Variants in SEMA5B observed in about 807,000 individuals in gnomAD.
SEMA5B encodes the protein semaphorin 5B, also known as semaphorin-5B.
A neutral mutation model predicts 135.0 loss-of-function variants in SEMA5B; 66 were observed. That is an observed-to-expected ratio of 0.49 (90% CI 0.40 to 0.60). The LOEUF is 0.60. SEMA5B is among the 20% of genes least tolerant of loss of function. The pLI, the probability that SEMA5B is intolerant of heterozygous loss-of-function variation, is 0.00. For synonymous variants in SEMA5B, 690 were observed against 639.5 expected (o/e 1.08, Z -1.19); for missense variants, 1,501 against 1,566.3 (o/e 0.96, Z 0.70).
intron 1 of SEMA5B, among the ~76,000 whole-genome samples, chr3:123,016,975 T>C (rs1942576001): frequency 6.9e-6 from 1 of 144,640 alleles, no homozygotes; most frequent in African/African-American, 2.6e-5. Flanking sequence ...CACTGCAAGC[T>C]CCACCTCCCA....
intron 3 of SEMA5B, among the ~76,000 whole-genome samples, chr3:122,943,787 A>T (rs193237337): frequency 6.6e-6 from 1 of 152,216 alleles, no homozygotes; most frequent in East Asian, 1.9e-4. Flanking sequence ...AGGGATACTT[A>T]TACTCGCCCT....
chr3:122,945,961 T>C (rs1486266541), intron 3 of SEMA5B, among the ~76,000 whole-genome samples: 1 of 151,534 alleles, frequency 6.6e-6, no homozygotes, highest in East Asian at 1.9e-4. Flanking sequence ...ACGGGGATCC[T>C]AGGGGGGCCT....
At chr3:122,949,081 T>A (rs1239999436) in intron 2 of SEMA5B, among the ~76,000 whole-genome samples, 1 of 152,200 alleles carries the variant, frequency 6.6e-6, no homozygotes, top group Non-Finnish European at 1.5e-5. Flanking sequence ...CTTTATATAC[T>A]AGGAAAAAAT....
In SEMA5B at chr3:122,922,005, ATGCGCAGGC is replaced by A. The variant is rs772913324; in HGVS notation, c.1589_1597del (p.Ser530_Arg532del). 3 of 1,529,528 alleles carry A rather than the reference ATGCGCAGGC, an allele frequency of 2.0e-6. No individual in the cohort carries two copies. The highest frequency in any genetic ancestry group is 2.1e-5 in the Admixed American group (1 of 48,488). The allele number at this position is 1,529,528 out of a possible 1,614,324, so 94.7% of individuals were successfully genotyped here. Reference sequence around the variant, plus strand: ...GAAGAGCGCGCGGGCGCTGTGCAGGATGCGCAGGCTGCGCAGGGGCTCGCGGCGCCCGGG... The same window carrying A: ...GAAGAGCGCGCGGGCGCTGTGCAGGATGCGCAGGGGCTCGCGGCGCCCGGG... On this transcript the variant is annotated inframe_deletion, in exon 12 of 23. Transcript: ENST00000357599.
At chr3:122,927,397 T>C (rs1449087825) in intron 8 of SEMA5B, among the ~76,000 whole-genome samples, 1 of 152,206 alleles carries the variant, frequency 6.6e-6, no homozygotes, top group Non-Finnish European at 1.5e-5. Flanking sequence ...CTTGCTATGT[T>C]GCCCACGCTG....
chr3:122,915,377 G>A (rs886543739), intron 14 of SEMA5B, 63 bp downstream of exon 14: 30 of 1,511,496 alleles, frequency 2.0e-5, no homozygotes, highest in African/African-American at 4.1e-5. Context: ...AGGGGTCCCC[G>A]TTTCCCTAGT....
At position 122,961,277 on chromosome 3, in the gene SEMA5B, G is replaced by A. The variant is rs1242669762; in HGVS notation, c.-14C>T. 1 of 1,613,782 alleles carries A rather than the reference G, an allele frequency of 6.2e-7. No individual in the cohort carries two copies. The highest frequency in any genetic ancestry group is 8.5e-7 in the Non-Finnish European group (1 of 1,179,884). ...GCCACAGGGCATCCAAGAGACACAG[G>A]CCAGGCACCAGCTGGAACCACTCAC... On this transcript the variant is annotated 5_prime_UTR_variant, in exon 2 of 23. Transcript: ENST00000357599.
intron 5 of SEMA5B, among the ~76,000 whole-genome samples, chr3:122,937,555 A>G (rs1366859972): frequency 4.6e-5 from 7 of 152,138 alleles, no homozygotes; most frequent in Non-Finnish European, 1.0e-4. Flanking sequence ...CCCCTAAGAG[A>G]CATGCTGGGA....
At chr3:122,965,428 A>G (rs919564418) in intron 1 of SEMA5B, among the ~76,000 whole-genome samples, 1 of 152,236 alleles carries the variant, frequency 6.6e-6, no homozygotes, top group African/African-American at 2.4e-5. Context: ...TGTCTTCCTT[A>G]CAAGAGATAG....
At chr3:123,017,966 G>T (rs1322785839) in intron 1 of SEMA5B, among the ~76,000 whole-genome samples, 1 of 152,030 alleles carries the variant, frequency 6.6e-6, no homozygotes, top group African/African-American at 2.4e-5. Context: ...CCAGCAAAAG[G>T]TTGGTTGAAC....
chr3:122,932,927 C>T (rs778977285), intron 5 of SEMA5B, among the ~76,000 whole-genome samples: 1 of 152,138 alleles, frequency 6.6e-6, no homozygotes, highest in Non-Finnish European at 1.5e-5. Flanking sequence ...GCTGTGTTGC[C>T]CAGACTTGTC....
intron 5 of SEMA5B, among the ~76,000 whole-genome samples, chr3:122,934,197 G>A (rs56197402): frequency 4.7e-5 from 7 of 148,948 alleles, no homozygotes; most frequent in Non-Finnish European, 1.1e-4. Flanking sequence ...GTGAGCCACC[G>A]TGCCCGGCCC....
chr3:122,915,384 T>G (rs1938008665), intron 14 of SEMA5B, 56 bp downstream of exon 14: 1 of 1,530,416 alleles, frequency 6.5e-7, no homozygotes, highest in African/African-American at 1.4e-5. Flanking sequence ...CCCGTTTCCC[T>G]AGTTCTCCCC....
At chr3:122,970,589 GGTAATCAT>G (rs1382958500) in intron 1 of SEMA5B, among the ~76,000 whole-genome samples, 1 of 152,188 alleles carries the variant, frequency 6.6e-6, no homozygotes, top group Non-Finnish European at 1.5e-5. Context: ...CAGCTCAAGA[GGTAATCAT>G]GTCCTTTAGA....
chr3:122,931,779 T>C (rs777577099), intron 5 of SEMA5B, among the ~76,000 whole-genome samples: 1 of 152,242 alleles, frequency 6.6e-6, no homozygotes, highest in Non-Finnish European at 1.5e-5. Context: ...GACATCATCC[T>C]GCAAGTCTGG....
At chr3:123,007,474 C>T (rs766832754) in intron 1 of SEMA5B, among the ~76,000 whole-genome samples, 1 of 152,198 alleles carries the variant, frequency 6.6e-6, no homozygotes, top group South Asian at 2.1e-4. Flanking sequence ...CTTCAAATCT[C>T]ATGTTGAAAT....
intron 5 of SEMA5B, among the ~76,000 whole-genome samples, chr3:122,936,739 A>G (rs575166660): frequency 6.6e-6 from 1 of 152,316 alleles, no homozygotes; most frequent in South Asian, 2.1e-4. Context: ...ATTAAGTTAC[A>G]CTGATAAATA....
chr3:122,948,708 A>G lies in SEMA5B; in HGVS notation c.126T>C (p.Gly42=). The part of the protein sequence containing the change: ...VGGWLLSLVR[G]LLPCLPPGAR... ...CTCCGGGAGGCAGACAGGGGAGAAG[A>G]CCTGCAACGTAAACACTCAGTCTCA... Residue 42 remains glycine, a splice_region_variant and synonymous_variant, in exon 3 of 23, where the codon GGT becomes GGC. Coordinates refer to ENST00000357599, the MANE Select transcript of SEMA5B (RefSeq NM_001031702.4). 1 of 1,592,650 alleles carries G rather than the reference A, an allele frequency of 6.3e-7. No individual in the cohort carries two copies. Among genetic ancestry groups the G allele is most frequent in the Non-Finnish European group, 8.6e-7 (1 of 1,164,844 alleles).
intron 1 of SEMA5B, among the ~76,000 whole-genome samples, chr3:122,994,178 C>T (rs1031504648): frequency 2.6e-5 from 4 of 151,968 alleles, no homozygotes; most frequent in Non-Finnish European, 5.9e-5. Context: ...ATAACAAGAG[C>T]GAGTGGTAAC....
Sources: gnomAD v4.1 joint callset for allele counts (sites outside exome capture counted in the v4.1 genomes callset) on GRCh38, gnomAD v4.1.1 for gene constraint, MANE v1.5 for transcripts, NCBI Gene and HGNC (gene_info 2026-07-23, HGNC 2026-07-21) for gene names.